The following SLC38A6 variants were observed in gnomAD, a reference collection of about 807,000 sequenced individuals.
SLC38A6 encodes N system amino acid transporter NAT-1.
A neutral mutation model predicts 65.0 loss-of-function variants in SLC38A6; 73 were observed. The ratio of observed to expected loss-of-function variants is 1.12; its 90% CI spans 0.93 to 1.37. The LOEUF is 1.37. Among genes scored for constraint, SLC38A6 ranks in the 40% most tolerant of loss-of-function variants. SLC38A6 has a pLI of 0.00. For missense variants in SLC38A6, 561 were observed against 531.1 expected (o/e 1.06, Z -0.55); for synonymous variants, 183 against 178.8 (o/e 1.02, Z -0.19).
chr14:60,995,530 A>G (rs2038225416), intron 3 of SLC38A6, among the ~76,000 whole-genome samples: 1 of 152,224 alleles, frequency 6.6e-6, no homozygotes, highest in Admixed American at 6.5e-5. Context: ...GCTAATGTAC[A>G]GCATGATGAC....
chr14:61,021,550 A>G (rs2139591990), intron 5 of SLC38A6, among the ~76,000 whole-genome samples: 2 of 152,332 alleles, frequency 1.3e-5, no homozygotes, highest in South Asian at 4.1e-4. Flanking sequence ...GTCAGTTGCC[A>G]GAATTCTAGA....
chr14:61,042,309 A>C (rs2041862395), intron 8 of SLC38A6, among the ~76,000 whole-genome samples: 1 of 152,222 alleles, frequency 6.6e-6, no homozygotes, highest in Non-Finnish European at 1.5e-5. Context: ...GTGTTTACAT[A>C]TTGGTCTCCT....
At chr14:61,021,007 C>G (rs190971185) in intron 5 of SLC38A6, among the ~76,000 whole-genome samples, 1 of 152,202 alleles carries the variant, frequency 6.6e-6, no homozygotes, top group East Asian at 1.9e-4. Flanking sequence ...ACCTTGATTC[C>G]TTCCTTGTTC....
rs765046147 is a variant in SLC38A6, at chr14:61,019,570, G to T, written c.393G>T (p.Gln131His). Residue 131 changes from glutamine to histidine, a missense_variant, in exon 5 of 16, where the codon CAG becomes CAT. By Grantham distance (24) the Gln-to-His change is conservative. Coordinates refer to ENST00000267488, the MANE Select transcript of SLC38A6 (RefSeq NM_153811.3). ...TGGTGGCAGGCACCATAATAATTCA[G>T]AATATTGGAGGTAAGCAATTGCAAG... ...KLVVAGTIIIQNIGAMSSYLL... is the reference protein window; with the variant it reads ...KLVVAGTIIIHNIGAMSSYLL... The T allele has an allele frequency of 4.3e-6, 7 of 1,613,376 alleles. 1 individual carries two copies. The South Asian group carries it at 7.7e-5, about 18-fold the overall frequency.
At chr14:61,042,297 T>C (rs2041861723) in intron 8 of SLC38A6, among the ~76,000 whole-genome samples, 1 of 152,172 alleles carries the variant, frequency 6.6e-6, no homozygotes, top group African/African-American at 2.4e-5. Flanking sequence ...GGAATAGAAA[T>C]TGTGTTTACA....
chr14:61,030,249 C>G (rs1463374714), intron 5 of SLC38A6, among the ~76,000 whole-genome samples, 196 bp from the exon 6 acceptor site: 1 of 143,300 alleles, frequency 7.0e-6, no homozygotes, highest in Non-Finnish European at 1.5e-5. Flanking sequence ...TTATTCTTCT[C>G]TACAGTTACT....
chr14:61,035,542 G>T (rs1457615211), intron 6 of SLC38A6, among the ~76,000 whole-genome samples: 2 of 151,966 alleles, frequency 1.3e-5, no homozygotes, highest in African/African-American at 4.8e-5. Context: ...TTCTTAGATT[G>T]CCACTACATT....
intron 5 of SLC38A6, among the ~76,000 whole-genome samples, chr14:61,025,952 A>C (rs915066650): frequency 2.0e-5 from 3 of 152,200 alleles, no homozygotes; most frequent in Non-Finnish European, 2.9e-5. Flanking sequence ...CCCGTAGCAC[A>C]TCCGTTTGTT....
At chr14:61,017,941 G>A (rs182779960) in intron 4 of SLC38A6, among the ~76,000 whole-genome samples, 416 of 152,198 alleles carry the variant, frequency 2.7e-3, no homozygotes, top group Non-Finnish European at 5.0e-3. Context: ...TTATGATAAA[G>A]AAATTTTTTG....
chr14:61,025,125 T>C (rs977201249), intron 5 of SLC38A6, among the ~76,000 whole-genome samples: 21 of 152,320 alleles, frequency 1.4e-4, no homozygotes, highest in African/African-American at 4.8e-4. Flanking sequence ...TTGCAGCCTT[T>C]ATTAACACCT....
chr14:61,041,870 A>G (rs2041838633), intron 8 of SLC38A6, among the ~76,000 whole-genome samples: 1 of 152,152 alleles, frequency 6.6e-6, no homozygotes, highest in African/African-American at 2.4e-5. Flanking sequence ...ACTGCACTCC[A>G]GGCTGGGTGA....
intron 2 of SLC38A6, among the ~76,000 whole-genome samples, chr14:60,984,164 G>A (rs917607301): frequency 1.1e-4 from 17 of 152,284 alleles, no homozygotes; most frequent in Middle Eastern, 6.8e-3. Flanking sequence ...TTTTCAAATT[G>A]CATCATTAGA....
At chr14:61,015,869 T>G (rs774604832) in intron 3 of SLC38A6, 35 bp from the exon 4 acceptor site, 3 of 1,557,380 alleles carry the variant, frequency 1.9e-6, no homozygotes, top group Non-Finnish European at 2.6e-6. Context: ...TAAATAGTTT[T>G]GTGTAAAAGT....
In SLC38A6 at chr14:61,015,904, C is replaced by T. The variant is rs970601065; in HGVS notation, c.311C>T (p.Ala104Val). Residue 104 changes from alanine (A) to valine (V), a missense_variant and splice_region_variant, in exon 4 of 16, where the codon GCT becomes GTT. Ala to Val is a moderately conservative substitution (Grantham distance 64). Coordinates refer to ENST00000267488, the MANE Select transcript of SLC38A6 (RefSeq NM_153811.3). ...HLLLSMCIQT[A>V]VTSYEDLGLF... Reference sequence around the variant, plus strand: ...TGAACATTGTAATTTCTCTTAACAGCTGTAACATCTTATGAAGATCTTGGA... The same window carrying T: ...TGAACATTGTAATTTCTCTTAACAGTTGTAACATCTTATGAAGATCTTGGA... 6.2e-7 allele frequency: 1 copy of T among 1,605,670 alleles called. No homozygotes were observed. Among genetic ancestry groups the T allele is most frequent in the African/African-American group, 1.3e-5 (1 of 74,632 alleles).
intron 5 of SLC38A6, among the ~76,000 whole-genome samples, chr14:61,025,983 A>G (rs1050477813): frequency 1.3e-5 from 2 of 152,198 alleles, no homozygotes; most frequent in Non-Finnish European, 2.9e-5. Context: ...TAATCCTTTA[A>G]GAATTGCTGA....
At chr14:61,046,493 A>G (rs577355549) in intron 12 of SLC38A6, among the ~76,000 whole-genome samples, 2 of 152,216 alleles carry the variant, frequency 1.3e-5, no homozygotes, top group South Asian at 4.1e-4. Flanking sequence ...TGAATTCAAT[A>G]TATTAGTCTA....
chr14:61,035,795 A>G (rs1032122308), intron 6 of SLC38A6, among the ~76,000 whole-genome samples: 2 of 152,162 alleles, frequency 1.3e-5, no homozygotes, highest in Non-Finnish European at 2.9e-5. Flanking sequence ...ATACAAATCT[A>G]TTGAGGTCTT....
At position 61,052,614 on chromosome 14, in the gene SLC38A6, C is replaced by G; in HGVS notation, c.*185C>G. 2 of 669,180 alleles carry G rather than the reference C, an allele frequency of 3.0e-6. No homozygotes were observed. The highest frequency in any genetic ancestry group is 4.2e-6 in the Non-Finnish European group (2 of 472,140). 41.5% of individuals were successfully genotyped at this position (669,180 alleles called of 1,614,324 possible). A position where few individuals can be genotyped will look rare whatever the true frequency, so the allele number is the denominator to read the frequency against. On this transcript the variant is annotated 3_prime_UTR_variant, in exon 16 of 16. Coordinates refer to ENST00000267488, the MANE Select transcript of SLC38A6 (RefSeq NM_153811.3). ...AGTTTTAATCAAAAAAAGAAACAAA[C>G]TCGAAATGCTCTTAAATATATTGGG...
rs190413539 is a variant in SLC38A6, at chr14:61,044,039, T to C, written c.744+536T>C. Among the ~76,000 whole-genome samples the C allele has an allele frequency of 1.1e-3, 165 of 152,164 alleles. No homozygotes were observed. The Middle Eastern group carries it at 0.014, about 13-fold the overall frequency. On this transcript the variant is annotated intron_variant, in intron 10 of 15. Transcript: ENST00000267488. ...GTCCCTTTGCCTTCCCTAAAAGCCA[T>C]AGGATACTGGAAATGCCTGTAAGAG...
Sources: allele counts gnomAD v4.1 joint callset (sites outside exome capture counted in the v4.1 genomes callset), GRCh38; gene constraint gnomAD v4.1.1; transcripts MANE v1.5; gene names NCBI Gene and HGNC (gene_info 2026-07-23, HGNC 2026-07-21).